The following ULK4 variants were observed in gnomAD, a reference collection of about 807,000 sequenced individuals.
The protein encoded by ULK4 is inactive serine/threonine-protein kinase ULK4.
Under a neutral mutation model 160.6 loss-of-function variants are expected in ULK4, and 133 were observed. That is an observed-to-expected ratio of 0.83 (90% CI 0.72 to 0.96). The LOEUF (loss-of-function observed/expected upper bound fraction) is 0.96, where lower values mean the gene tolerates loss of function less well. ULK4 is among the 40% of genes least tolerant of loss of function. The pLI is 0.00. For synonymous variants in ULK4, 534 were observed against 539.8 expected, an observed-to-expected ratio of 0.99 and a Z score of 0.15; for missense variants, 1,580 against 1,499.5, an observed-to-expected ratio of 1.05 and a Z score of -0.89.
intron 32 of ULK4, among the ~76,000 whole-genome samples, chr3:41,525,810 GTAAAAATAC>G (rs2086096171): frequency 6.6e-6 from 1 of 152,076 alleles, no homozygotes; most frequent in Non-Finnish European, 1.5e-5. Context: ...CACTTCTTCT[GTAAAAATAC>G]TAATCATGCT....
At chr3:41,506,767 A>AAAAAAAAAAAATATATATATATAT in intron 32 of ULK4, among the ~76,000 whole-genome samples, 1 of 56,766 alleles carries the variant, frequency 1.8e-5, no homozygotes, top group African/African-American at 8.2e-5. Flanking sequence ...TGTGATTTAA[A>AAAAAAAAAAAATATATATATATAT]ATATATATAT....
At chr3:41,663,782 A>G in intron 29 of ULK4, 83 bp from the exon 30 acceptor site, 1 of 1,124,552 alleles carries the variant, frequency 8.9e-7, no homozygotes, top group Non-Finnish European at 1.3e-6. Flanking sequence ...CAAACTATCA[A>G]TTTAGCTTAA....
intron 34 of ULK4, among the ~76,000 whole-genome samples, chr3:41,398,640 C>T (rs1043705160): frequency 6.6e-6 from 1 of 151,336 alleles, no homozygotes; most frequent in Non-Finnish European, 1.5e-5. Flanking sequence ...AATCCTCCTT[C>T]CTCAGCCTCC....
chr3:41,299,993 C>A (rs1286637273), intron 35 of ULK4, among the ~76,000 whole-genome samples: 4 of 152,094 alleles, frequency 2.6e-5, no homozygotes, highest in Non-Finnish European at 5.9e-5. Context: ...TTATTAACAG[C>A]AATATGGCTC....
rs565727539 is a variant in ULK4, at chr3:41,941,755, CAAAAAAAAAA to C, written c.139-3568_139-3559del. Among the ~76,000 whole-genome samples, 110 of 30,758 alleles carry C rather than the reference CAAAAAAAAAA, an allele frequency of 3.6e-3. 3 individuals are homozygous for C. The highest frequency in any genetic ancestry group is 0.017 in the South Asian group (6 of 362). 20.2% of individuals were successfully genotyped at this position (30,758 alleles called of 152,430 possible). A position where few individuals can be genotyped will look rare whatever the true frequency, so the allele number is the denominator to read the frequency against. ...TGAGTGACAGAGTGAGACTCTGTCTCAAAAAAAAAAAAAAAAAAAAAAAAGAGAAAGAAAC... is the reference window on the plus strand; with the variant it reads ...TGAGTGACAGAGTGAGACTCTGTCTCAAAAAAAAAAAAAAGAGAAAGAAAC... On this transcript the variant is annotated intron_variant, in intron 2 of 36. Coordinates refer to ENST00000301831, the MANE Select transcript of ULK4 (RefSeq NM_017886.4).
intron 17 of ULK4, among the ~76,000 whole-genome samples, chr3:41,876,619 T>C (rs558264013): frequency 4.6e-5 from 7 of 152,186 alleles, no homozygotes; most frequent in Non-Finnish European, 7.3e-5. Flanking sequence ...TGCAAGGCTT[T>C]TAATAGCCAA....
chr3:41,744,122 C>T (rs2038337460), intron 22 of ULK4, among the ~76,000 whole-genome samples: 1 of 151,396 alleles, frequency 6.6e-6, no homozygotes, highest in Admixed American at 6.6e-5. Context: ...TAAAAGAATC[C>T]CAAATGTTCA....
At chr3:41,270,035 T>C (rs990829439) in intron 35 of ULK4, among the ~76,000 whole-genome samples, 3 of 151,618 alleles carry the variant, frequency 2.0e-5, no homozygotes, top group African/African-American at 7.3e-5. Flanking sequence ...TTAGGATACA[T>C]ACACACACAC....
At position 41,775,297 on chromosome 3, in the gene ULK4, T is replaced by C. The variant is rs1020470915; in HGVS notation, c.2193+14364A>G. Among the ~76,000 whole-genome samples, 10 of 150,666 alleles carry C rather than the reference T, an allele frequency of 6.6e-5. 1 individual carries two copies. Among genetic ancestry groups the C allele is most frequent in the African/African-American group, 2.5e-4 (10 of 40,104 alleles). On this transcript the variant is annotated intron_variant, in intron 21 of 36. Transcript: ENST00000301831. ...GTATTTTACCTATCCAGACAAAAAGTGTATCTTTAAACCATTCAGTAAACA... is the reference window on the plus strand; with the variant it reads ...GTATTTTACCTATCCAGACAAAAAGCGTATCTTTAAACCATTCAGTAAACA...
chr3:41,616,822 A>T (rs995066115), intron 30 of ULK4, among the ~76,000 whole-genome samples: 1 of 152,140 alleles, frequency 6.6e-6, no homozygotes, highest in Non-Finnish European at 1.5e-5. Context: ...GAAGCCAGGG[A>T]GTCAAGTGGT....
intron 35 of ULK4, among the ~76,000 whole-genome samples, chr3:41,273,654 C>T (rs1217366444): frequency 6.6e-6 from 1 of 152,094 alleles, no homozygotes; most frequent in Non-Finnish European, 1.5e-5. Flanking sequence ...CCCATCAAAC[C>T]TCATGTTGAA....
intron 35 of ULK4, among the ~76,000 whole-genome samples, 177 bp downstream of exon 35, chr3:41,397,902 A>C (rs1358298436): frequency 6.6e-6 from 1 of 152,116 alleles, no homozygotes; most frequent in Non-Finnish European, 1.5e-5. Flanking sequence ...TATGCAGATA[A>C]ACAGTATATG....
intron 32 of ULK4, among the ~76,000 whole-genome samples, chr3:41,525,976 C>A (rs1391480671): frequency 6.6e-6 from 1 of 152,172 alleles, no homozygotes; most frequent in Non-Finnish European, 1.5e-5. Context: ...CTTATTTGGT[C>A]TTTTGCAGCT....
At chr3:41,262,685 G>C (rs530053973) in intron 35 of ULK4, among the ~76,000 whole-genome samples, 1 of 152,132 alleles carries the variant, frequency 6.6e-6, no homozygotes, top group Admixed American at 6.5e-5. Context: ...TTTTCTAAGA[G>C]AAAATTATCC....
intron 18 of ULK4, among the ~76,000 whole-genome samples, chr3:41,830,573 G>C (rs764105002): frequency 2.0e-5 from 3 of 151,906 alleles, no homozygotes; most frequent in African/African-American, 4.8e-5. Flanking sequence ...TTAAATATGT[G>C]TTTATTGTCT....
At position 41,883,485 on chromosome 3, in the gene ULK4, A is replaced by G. The variant is rs557060372; in HGVS notation, c.1656+389T>C. On this transcript the variant is annotated intron_variant, in intron 17 of 36. Transcript: ENST00000301831. ...GAATAGGTAGAAAGTAATCTTTCATACGAAAACACTACATTCAAGGTGAAA... is the reference window on the plus strand; with the variant it reads ...GAATAGGTAGAAAGTAATCTTTCATGCGAAAACACTACATTCAAGGTGAAA... Among the ~76,000 whole-genome samples the G allele has an allele frequency of 4.0e-4, 61 of 152,370 alleles. No individual in the cohort carries two copies. In the Middle Eastern group the frequency reaches 0.017, roughly 42 times the overall value.
chr3:41,263,180 G>A (rs1047619401), intron 35 of ULK4, among the ~76,000 whole-genome samples: 14 of 152,030 alleles, frequency 9.2e-5, no homozygotes, highest in Non-Finnish European at 1.5e-4. Context: ...GGATAGCTTC[G>A]GTCATAAGAA....
At chr3:41,881,284 T>TAAAAAAAAAAAAAAAAAAAAAAAA (rs58977381) in intron 17 of ULK4, among the ~76,000 whole-genome samples, 1 of 126,280 alleles carries the variant, frequency 7.9e-6, no homozygotes, top group African/African-American at 3.6e-5. Context: ...CAGAAACTTC[T>TAAAAAAAAAAAAAAAAAAAAAAAA]AAAAAAAAAA....
Position 41,931,902 on chromosome 3 carries a change from T to A in ULK4, c.483A>T (p.Glu161Asp), listed in dbSNP as rs1430538273. Residue 161 changes from glutamate to aspartate, a missense_variant, in exon 5 of 37, where the codon GAA becomes GAT. Coordinates refer to ENST00000301831, the MANE Select transcript of ULK4 (RefSeq NM_017886.4). ...EEFFALVAAE[E>D]GGGDNGENVL... ...CATTTTCCCCATTATCACCTCCTCC[T>A]TCCTCTGCTGCCACCAAAGCAAAGA... 6.2e-7 allele frequency: 1 copy of A among 1,614,112 alleles called. No individual in the cohort carries two copies. Among genetic ancestry groups the A allele is most frequent in the Admixed American group, 1.7e-5 (1 of 60,000 alleles).
Sources: allele counts gnomAD v4.1 joint callset (sites outside exome capture counted in the v4.1 genomes callset), GRCh38; gene constraint gnomAD v4.1.1; transcripts MANE v1.5; gene names NCBI Gene and HGNC (gene_info 2026-07-23, HGNC 2026-07-21).